Variants in SLC30A9 observed in about 807,000 individuals in gnomAD.
The protein encoded by SLC30A9 is proton-coupled zinc antiporter SLC30A9, mitochondrial.
Under a neutral mutation model 87.5 loss-of-function variants are expected in SLC30A9, and 58 were observed. The observed-to-expected ratio is 0.66, with a 90% CI of 0.54 to 0.82. SLC30A9 has a LOEUF of 0.82. Ranked by LOEUF, SLC30A9 falls within the 40% of genes least tolerant of loss-of-function variation. SLC30A9 has a pLI of 0.00. For missense variants in SLC30A9, 557 were observed against 679.1 expected, an observed-to-expected ratio of 0.82 and a Z score of 2.00; for synonymous variants, 234 against 233.0, an observed-to-expected ratio of 1.00 and a Z score of -0.04.
chr4:42,085,966 T>G (rs1718909591), intron 17 of SLC30A9, 116 bp from the exon 18 acceptor site: 2 of 295,054 alleles, frequency 6.8e-6, no homozygotes, highest in African/African-American at 3.6e-5. Context: ...CTCTCATTAG[T>G]ATGCTATAGT....
chr4:42,062,411 C>T (rs1179710472), intron 10 of SLC30A9, among the ~76,000 whole-genome samples: 1 of 152,010 alleles, frequency 6.6e-6, no homozygotes, highest in Non-Finnish European at 1.5e-5. Context: ...ATGAAGCATG[C>T]TTGAAAAATA....
intron 15 of SLC30A9, among the ~76,000 whole-genome samples, chr4:42,071,999 A>G (rs1718332547): frequency 6.6e-6 from 1 of 152,084 alleles, no homozygotes; most frequent in South Asian, 2.1e-4. Flanking sequence ...TTTCTTCTTG[A>G]CTTAGTTTAA....
At chr4:42,061,914 G>A (rs1452366532) in intron 10 of SLC30A9, among the ~76,000 whole-genome samples, 3 of 149,582 alleles carry the variant, frequency 2.0e-5, no homozygotes, top group Admixed American at 6.7e-5. Context: ...AAAAAAAAAT[G>A]TCGGGCGCGG....
At chr4:41,993,303 G>A (rs902839496) in intron 1 of SLC30A9, among the ~76,000 whole-genome samples, 2 of 151,696 alleles carry the variant, frequency 1.3e-5, no homozygotes, top group South Asian at 2.1e-4. Flanking sequence ...TTAAAACCCA[G>A]TGAGTATTTT....
chr4:42,072,527 A>G (rs2153140726), intron 15 of SLC30A9, among the ~76,000 whole-genome samples: 1 of 152,014 alleles, frequency 6.6e-6, no homozygotes, highest in South Asian at 2.1e-4. Flanking sequence ...GGAGTATGTC[A>G]CTTAATTTTT....
intron 1 of SLC30A9, among the ~76,000 whole-genome samples, chr4:41,996,632 A>G (rs1038857103): frequency 6.6e-6 from 1 of 152,084 alleles, no homozygotes; most frequent in African/African-American, 2.4e-5. Flanking sequence ...GGTCCCAGCT[A>G]CTCAGGAGTC....
chr4:42,013,667 G>T (rs1008963012), intron 2 of SLC30A9, among the ~76,000 whole-genome samples: 60 of 152,296 alleles, frequency 3.9e-4, no homozygotes, highest in African/African-American at 1.4e-3. Context: ...TCAGTAAATG[G>T]TGCTGGGGAA....
Position 41,990,594 on chromosome 4 carries a change from C to CCGGTGG in SLC30A9, c.-54_-49dup. ...GTCCAGTCTATGGAGTCAGTTGGTA[C>CCGGTGG]CGGTGGCGGCGCGGAGGCAGAAGGC... On this transcript the variant is annotated 5_prime_UTR_variant, in exon 1 of 18. Transcript: ENST00000264451. 1 of 1,042,394 alleles carries CCGGTGG rather than the reference C, an allele frequency of 9.6e-7. No homozygotes were observed. Among genetic ancestry groups the CCGGTGG allele is most frequent in the Non-Finnish European group, 1.4e-6 (1 of 691,596 alleles). 64.6% of individuals were successfully genotyped at this position (1,042,394 alleles called of 1,614,324 possible). A position where few individuals can be genotyped will look rare whatever the true frequency, so the allele number is the denominator to read the frequency against.
chr4:42,052,683 TA>T (rs1409141723), intron 9 of SLC30A9, among the ~76,000 whole-genome samples: 1 of 152,180 alleles, frequency 6.6e-6, no homozygotes, highest in Non-Finnish European at 1.5e-5. Flanking sequence ...ATTGGATCCA[TA>T]TGGGGAGAAA....
chr4:42,071,466 G>A (rs4288044), intron 15 of SLC30A9, among the ~76,000 whole-genome samples: 3,597 of 152,108 alleles, frequency 0.024, 148 homozygotes, highest in African/African-American at 0.082. Flanking sequence ...TGCCCTATAT[G>A]TTTAATCTTG....
intron 3 of SLC30A9, 78 bp from the exon 4 acceptor site, chr4:42,020,338 T>TTA (rs1715897332): frequency 1.5e-6 from 1 of 667,260 alleles, no homozygotes; most frequent in Non-Finnish European, 2.6e-6. Flanking sequence ...GTGAAGCCTC[T>TTA]TAAGTATCAG....
At position 42,061,912 on chromosome 4, in the gene SLC30A9, A is replaced by G. The variant is rs1226892545; in HGVS notation, c.897-1074A>G. On this transcript the variant is annotated intron_variant, in intron 10 of 17. Coordinates refer to ENST00000264451, the MANE Select transcript of SLC30A9 (RefSeq NM_006345.4). The stretch of plus-strand genomic sequence containing the variant: ...CGAAACTCCGTTTCAAAAAAAAAAA[A>G]TGTCGGGCGCGGTGGCCCACGCCTG... Among the ~76,000 whole-genome samples, 8 of 150,358 alleles carry G rather than the reference A, an allele frequency of 5.3e-5. No homozygotes were observed. The Admixed American group carries it at 5.3e-4, about 10-fold the overall frequency.
chr4:42,063,137 T>TC lies in SLC30A9; in HGVS notation c.1032+17dup. The stretch of plus-strand genomic sequence containing the variant: ...CCTTCTATGGGTAATCCTCTTTTTT[T>TC]CTCCTCAGTTTTGATGTCTTATGAC... On this transcript the variant is annotated intron_variant, in intron 11 of 17. Coordinates refer to ENST00000264451, the MANE Select transcript of SLC30A9 (RefSeq NM_006345.4). The TC allele has an allele frequency of 6.2e-7, 1 of 1,611,352 alleles. No individual in the cohort carries two copies. The highest frequency in any genetic ancestry group is 8.5e-7 in the Non-Finnish European group (1 of 1,178,832).
chr4:42,035,206 T>C lies in SLC30A9; in HGVS notation c.611-69T>C, dbSNP rs1716627319. On this transcript the variant is annotated intron_variant, in intron 6 of 17. Coordinates refer to ENST00000264451, the MANE Select transcript of SLC30A9 (RefSeq NM_006345.4). ...ATATTTAACATAGTCCTGAAGAGAATATCATGTTCATCTAAACTGTGACTG... is the reference window on the plus strand; with the variant it reads ...ATATTTAACATAGTCCTGAAGAGAACATCATGTTCATCTAAACTGTGACTG... 8 of 1,450,016 alleles carry C rather than the reference T, an allele frequency of 5.5e-6. No individual in the cohort carries two copies. In the South Asian group the frequency reaches 9.3e-5, roughly 17 times the overall value. 89.8% of individuals were successfully genotyped at this position (1,450,016 alleles called of 1,614,324 possible). A position where few individuals can be genotyped will look rare whatever the true frequency, so the allele number is the denominator to read the frequency against.
intron 7 of SLC30A9, among the ~76,000 whole-genome samples, chr4:42,037,953 G>A (rs975170104): frequency 6.6e-6 from 1 of 152,020 alleles, no homozygotes; most frequent in African/African-American, 2.4e-5. Context: ...TTGTATTTTA[G>A]TAGAGACGGG....
intron 8 of SLC30A9, among the ~76,000 whole-genome samples, chr4:42,046,199 A>C (rs545087066): frequency 6.6e-5 from 10 of 152,246 alleles, no homozygotes; most frequent in African/African-American, 9.6e-5. Context: ...GTCTCTCACC[A>C]CTCCTATTCA....
chr4:42,028,677 A>G (rs547442998), intron 6 of SLC30A9, among the ~76,000 whole-genome samples: 15 of 152,244 alleles, frequency 9.9e-5, no homozygotes, highest in Non-Finnish European at 1.5e-4. Context: ...TTGAACCAAT[A>G]GTATCACCTT....
At chr4:42,027,098 G>A (rs1716225138) in intron 6 of SLC30A9, among the ~76,000 whole-genome samples, 2 of 152,102 alleles carry the variant, frequency 1.3e-5, no homozygotes, top group South Asian at 2.1e-4. Flanking sequence ...AGCCAGAGTT[G>A]GCTAACTATG....
chr4:42,045,786 C>G (rs1231498806), intron 8 of SLC30A9, among the ~76,000 whole-genome samples: 1 of 152,096 alleles, frequency 6.6e-6, no homozygotes, highest in Non-Finnish European at 1.5e-5. Context: ...AAATTTCAGA[C>G]CAAAATCCTT....
Sources: allele counts gnomAD v4.1 joint callset (sites outside exome capture counted in the v4.1 genomes callset), GRCh38; gene constraint gnomAD v4.1.1; transcripts MANE v1.5; gene names NCBI Gene and HGNC (gene_info 2026-07-23, HGNC 2026-07-21).